The following CNTNAP5 variants were observed in gnomAD, a reference collection of about 807,000 sequenced individuals.
CNTNAP5 encodes contactin associated protein family member 5.
In CNTNAP5, 72 loss-of-function variants were observed where a neutral mutation model predicts 150.2. That is an observed-to-expected ratio of 0.48 (90% CI 0.40 to 0.58). The LOEUF (loss-of-function observed/expected upper bound fraction) is 0.58. Ranked by LOEUF, CNTNAP5 falls within the 20% of genes least tolerant of loss-of-function variation. CNTNAP5 has a pLI of 0.00. For synonymous variants in CNTNAP5, 672 were observed against 619.8 expected (o/e 1.08, Z -1.25); for missense variants, 1,636 against 1,626.2 (o/e 1.01, Z -0.10).
chr2:124,357,837 T>A (rs972806265), intron 3 of CNTNAP5, among the ~76,000 whole-genome samples: 4 of 149,494 alleles, frequency 2.7e-5, no homozygotes, highest in Non-Finnish European at 3.0e-5. Context: ...TTTCCAATTC[T>A]GTGAAGAAAG....
rs767854102 is a variant in CNTNAP5 at position 124,901,122 on chromosome 2, T to C, written c.3437-1760T>C. Among the ~76,000 whole-genome samples the C allele has an allele frequency of 2.6e-4, 40 of 151,670 alleles. 1 individual carries two copies. Among genetic ancestry groups the C allele is most frequent in the Non-Finnish European group, 4.1e-4 (28 of 68,034 alleles). The stretch of plus-strand genomic sequence containing the variant: ...TCTCATACATCTCAGAGTCCTTTTA[T>C]ATTTGAAGAAGTGACACTTCACATT... On this transcript the variant is annotated intron_variant, in intron 21 of 23. Transcript: ENST00000682447.
At chr2:124,225,128 T>C (rs1047931582) in intron 2 of CNTNAP5, among the ~76,000 whole-genome samples, 1 of 152,104 alleles carries the variant, frequency 6.6e-6, no homozygotes, top group African/African-American at 2.4e-5. Context: ...AATTACACCC[T>C]CCCTCTTCCC....
intron 12 of CNTNAP5, among the ~76,000 whole-genome samples, chr2:124,641,657 C>T (rs1036744011): frequency 2.6e-5 from 4 of 152,100 alleles, no homozygotes; most frequent in Non-Finnish European, 5.9e-5. Context: ...ACCCTGGGGA[C>T]CTTAATATAG....
intron 3 of CNTNAP5, among the ~76,000 whole-genome samples, chr2:124,394,085 G>C (rs1691186724): frequency 6.6e-6 from 1 of 152,018 alleles, no homozygotes; most frequent in Admixed American, 6.6e-5. Context: ...AATAAAAGGT[G>C]AATAAGCTGG....
chr2:124,486,338 A>G (rs1289423642), intron 7 of CNTNAP5, among the ~76,000 whole-genome samples: 1 of 152,102 alleles, frequency 6.6e-6, no homozygotes, highest in Non-Finnish European at 1.5e-5. Flanking sequence ...AAAGACTACA[A>G]ACTGTGTGCA....
chr2:124,841,899 C>T (rs1022438989), intron 19 of CNTNAP5, among the ~76,000 whole-genome samples: 7 of 151,998 alleles, frequency 4.6e-5, no homozygotes, highest in Non-Finnish European at 1.0e-4. Context: ...AAATCGTGAC[C>T]CAATATTTCT....
chr2:124,306,316 G>T (rs919789623), intron 3 of CNTNAP5, among the ~76,000 whole-genome samples: 1 of 152,054 alleles, frequency 6.6e-6, no homozygotes, highest in African/African-American at 2.4e-5. Context: ...TCACTCCCAG[G>T]CAGATCTTTC....
At chr2:124,673,756 T>C (rs1003535884) in intron 13 of CNTNAP5, among the ~76,000 whole-genome samples, 1 of 142,320 alleles carries the variant, frequency 7.0e-6, no homozygotes, top group African/African-American at 2.7e-5. Context: ...TGCAGAGTCC[T>C]ACAGCATTAA....
At chr2:124,350,548 A>G (rs1487317713) in intron 3 of CNTNAP5, among the ~76,000 whole-genome samples, 1 of 151,922 alleles carries the variant, frequency 6.6e-6, no homozygotes, top group Non-Finnish European at 1.5e-5. Flanking sequence ...AATTTACTCA[A>G]ATATAAATAA....
chr2:124,536,416 T>C (rs756331591), intron 10 of CNTNAP5, among the ~76,000 whole-genome samples: 2 of 152,024 alleles, frequency 1.3e-5, no homozygotes, highest in Non-Finnish European at 2.9e-5. Flanking sequence ...TTCTACTAGA[T>C]CAGAAATGTG....
At position 124,089,018 on chromosome 2, in the gene CNTNAP5, C is replaced by T. The variant is rs6719625; in HGVS notation, c.82+63286C>T. ...GAGAGAACAGGCTTGTTTTGGGGCA[C>T]TTTTCATCTACCTCATTTGTAATTC... On this transcript the variant is annotated intron_variant, in intron 1 of 23. Transcript: ENST00000682447. Among the ~76,000 whole-genome samples the T allele has an allele frequency of 1.1e-3, 161 of 152,302 alleles. 2 individuals carry two copies. Among genetic ancestry groups the T allele is most frequent in the African/African-American group, 3.6e-3 (148 of 41,566 alleles).
At chr2:124,832,587 A>G (rs1682738621) in intron 19 of CNTNAP5, among the ~76,000 whole-genome samples, 1 of 152,140 alleles carries the variant, frequency 6.6e-6, no homozygotes, top group Non-Finnish European at 1.5e-5. Flanking sequence ...AGCATTTTCC[A>G]TGAAAGTTTT....
chr2:124,838,116 A>C (rs1228528315), intron 19 of CNTNAP5, among the ~76,000 whole-genome samples: 2 of 152,276 alleles, frequency 1.3e-5, no homozygotes, highest in East Asian at 1.9e-4. Context: ...CTTCAGAGGG[A>C]TTAAAAAATA....
At chr2:124,086,246 G>C (rs1682689024) in intron 1 of CNTNAP5, among the ~76,000 whole-genome samples, 1 of 140,950 alleles carries the variant, frequency 7.1e-6, no homozygotes, top group Non-Finnish European at 1.5e-5. Flanking sequence ...GCCCAGGCTG[G>C]AGTGCAGTGG....
intron 4 of CNTNAP5, among the ~76,000 whole-genome samples, chr2:124,420,139 C>T (rs574169998): frequency 5.3e-5 from 8 of 151,608 alleles, no homozygotes; most frequent in African/African-American, 1.9e-4. Flanking sequence ...TACAGGCGTG[C>T]ACCACCATGT....
chr2:124,119,199 C>G (rs1683499836), intron 1 of CNTNAP5, among the ~76,000 whole-genome samples: 1 of 152,172 alleles, frequency 6.6e-6, no homozygotes, highest in Admixed American at 6.5e-5. Flanking sequence ...CCCACTCACT[C>G]TCATCGCGTC....
intron 19 of CNTNAP5, among the ~76,000 whole-genome samples, chr2:124,851,028 G>A (rs10182183): frequency 0.05 from 7,604 of 152,250 alleles, 551 homozygotes; most frequent in African/African-American, 0.16. Context: ...AAGTTTTACT[G>A]TAAACCATCA....
rs545475256 is a variant in CNTNAP5, at chr2:124,485,351, C to A, written c.1062+10469C>A. 2.0e-5 allele frequency among the ~76,000 whole-genome samples: 3 copies of A among 152,074 alleles called. 1 individual carries two copies. The South Asian group carries it at 6.2e-4, about 32-fold the overall frequency. The stretch of plus-strand genomic sequence containing the variant: ...GTTACCGGCCGGGCACGGTGGCTCA[C>A]GCCTGTAATCCCAGCACTTTGGGAG... On this transcript the variant is annotated intron_variant, in intron 7 of 23. Coordinates refer to ENST00000682447, the MANE Select transcript of CNTNAP5 (RefSeq NM_001367498.1).
intron 13 of CNTNAP5, among the ~76,000 whole-genome samples, chr2:124,707,652 C>A (rs1417409657): frequency 1.3e-5 from 2 of 152,084 alleles, no homozygotes; most frequent in Non-Finnish European, 2.9e-5. Context: ...AAGGTGGGAG[C>A]CTGAATTCTA....
Sources: allele counts gnomAD v4.1 joint callset (sites outside exome capture counted in the v4.1 genomes callset), GRCh38; gene constraint gnomAD v4.1.1; transcripts MANE v1.5; gene names NCBI Gene and HGNC (gene_info 2026-07-23, HGNC 2026-07-21).